ZSCAN29: variants seen among roughly 807,000 people sequenced by gnomAD.
ZSCAN29 encodes the protein zinc finger and SCAN domain containing 29, also known as zinc finger and SCAN domain-containing protein 29.
In ZSCAN29, 55 loss-of-function variants were observed where a neutral mutation model predicts 71.9. The ratio of observed to expected loss-of-function variants is 0.76; its 90% CI spans 0.62 to 0.96. The LOEUF (loss-of-function observed/expected upper bound fraction) is 0.96, where lower values mean the gene tolerates loss of function less well. ZSCAN29 is among the 40% of genes least tolerant of loss of function. The probability of loss-of-function intolerance (pLI) is 0.00; values close to 1 mark genes in which losing one functional copy is unlikely to be tolerated. For synonymous variants in ZSCAN29, 351 were observed against 371.6 expected (o/e 0.94, Z 0.64); for missense variants, 1,042 against 1,042.2 (o/e 1.00, Z 0.00).
At position 43,366,434 on chromosome 15, in the gene ZSCAN29, T is replaced by G. The variant is rs746876609; in HGVS notation, c.898A>C (p.Thr300Pro). Residue 300 changes from threonine (T) to proline (P), a missense_variant, in exon 4 of 6, where the codon ACC becomes CCC. Thr to Pro is a conservative substitution (Grantham distance 38). Transcript: ENST00000684362. ...CTCTTCTGGAGACCTTTGAACTTGG[T>G]CCGACACTGTTCCAGGGTCCGGAGG... Reference protein sequence around the residue: ...GFLRTLEQCRTKFKGLQKSYR... With the variant: ...GFLRTLEQCRPKFKGLQKSYR... 8.7e-6 allele frequency: 14 copies of G among 1,614,072 alleles called. No individual in the cohort carries two copies. Among genetic ancestry groups the G allele is most frequent in the Non-Finnish European group, 1.2e-5 (14 of 1,180,044 alleles).
chr15:43,364,192 G>C lies in ZSCAN29; in HGVS notation c.1413C>G (p.Ser471Arg). The change falls in exon 5 of 6, where the codon AGC becomes AGG. Residue 471 changes from serine (S) to arginine (R), a missense_variant. Transcript: ENST00000684362. ...CCTGGCCATTCTTAACTTTCCGATA[G>C]CTGGTTTGCAGGCTTTTAAACTTGG... ...CRTKFKSLQT[S>R]YRKVKNGQAP... The C allele has an allele frequency of 6.2e-7, 1 of 1,614,230 alleles. No homozygotes were observed. The highest frequency in any genetic ancestry group is 8.5e-7 in the Non-Finnish European group (1 of 1,180,042).
At chr15:43,368,874 T>C (rs1171724724) in intron 3 of ZSCAN29, 49 bp downstream of exon 3, 3 of 1,512,108 alleles carry the variant, frequency 2.0e-6, no homozygotes, top group Non-Finnish European at 2.7e-6. Flanking sequence ...CAACCCTACT[T>C]CCCAACTTGG....
At position 43,364,150 on chromosome 15, in the gene ZSCAN29, G is replaced by C; in HGVS notation, c.1455C>G (p.Pro485=). 1 of 1,614,196 alleles carries C rather than the reference G, an allele frequency of 6.2e-7. No homozygotes were observed. The highest frequency in any genetic ancestry group is 8.5e-7 in the Non-Finnish European group (1 of 1,180,036). ...CCAAAGCATCCATCTCTTCAAAGAAGGGACAGGTCTCTGGTGCCTGGCCAT... is the reference window on the plus strand; with the variant it reads ...CCAAAGCATCCATCTCTTCAAAGAACGGACAGGTCTCTGGTGCCTGGCCAT... ...VKNGQAPETC[P]FFEEMDALVS... Residue 485 remains proline (P), a synonymous_variant, in exon 5 of 6, where the codon CCC becomes CCG. Transcript: ENST00000684362.
intron 5 of ZSCAN29, among the ~76,000 whole-genome samples, chr15:43,362,470 G>A (rs1292239069): frequency 6.6e-6 from 1 of 152,148 alleles, no homozygotes; most frequent in African/African-American, 2.4e-5. Context: ...AGAAAAATAT[G>A]TAGTGTCTTT....
chr15:43,366,266 C>T lies in ZSCAN29; in HGVS notation c.1066G>A (p.Asp356Asn), dbSNP rs781407532. ...TGCCCTGGCTCTTCAGTCTCAGCAT[C>T]GCTGCCTACCAGGCCAGAGTGAGAG... ...AASHSGLVGS[D>N]AETEEPGQRG... The change falls in exon 4 of 6, where the codon GAT becomes AAT. Residue 356 changes from aspartate (D) to asparagine (N), a missense_variant. By Grantham distance (23) the Asp-to-Asn change is conservative. Transcript: ENST00000684362. 7 of 1,613,446 alleles carry T rather than the reference C, an allele frequency of 4.3e-6. No individual in the cohort carries two copies. Among genetic ancestry groups the T allele is most frequent in the Admixed American group, 1.7e-5 (1 of 60,024 alleles).
In ZSCAN29 at chr15:43,366,306, G is replaced by T. The variant is rs768359594; in HGVS notation, c.1026C>A (p.Gly342=). The change falls in exon 4 of 6, where the codon GGC becomes GGA. Residue 342 remains glycine, a synonymous_variant. Coordinates refer to ENST00000684362, the MANE Select transcript of ZSCAN29 (RefSeq NM_001372080.1). Reference sequence around the variant, plus strand: ...CAGAGTGAGAGGCTGCTGCTTCCAGGCCATTACTGGGCAGGGCAATGACCT... The same window carrying T: ...CAGAGTGAGAGGCTGCTGCTTCCAGTCCATTACTGGGCAGGGCAATGACCT... ...SAQVIALPSN[G]LEAAASHSGL... The T allele has an allele frequency of 1.7e-5, 28 of 1,612,794 alleles. No homozygotes were observed. In the South Asian group the frequency reaches 2.9e-4, roughly 16 times the overall value.
At position 43,361,541 on chromosome 15, in the gene ZSCAN29, C is replaced by G; in HGVS notation, c.2091G>C (p.Arg697=). 1 of 1,614,054 alleles carries G rather than the reference C, an allele frequency of 6.2e-7. No homozygotes were observed. Among genetic ancestry groups the G allele is most frequent in the South Asian group, 1.1e-5 (1 of 91,072 alleles). Residue 697 remains arginine, a synonymous_variant, in exon 6 of 6, where the codon CGG becomes CGC. Coordinates refer to ENST00000684362, the MANE Select transcript of ZSCAN29 (RefSeq NM_001372080.1). The part of the protein sequence containing the change: ...FSRSARLIRH[R]RIHTGEKPYK... ...AAGGTTTCTCTCCAGTGTGGATTCTCCGGTGTCTAATGAGTCGTGCACTCC... is the reference window on the plus strand; with the variant it reads ...AAGGTTTCTCTCCAGTGTGGATTCTGCGGTGTCTAATGAGTCGTGCACTCC...
chr15:43,365,479 C>T (rs2044026595), intron 4 of ZSCAN29, among the ~76,000 whole-genome samples: 1 of 152,198 alleles, frequency 6.6e-6, no homozygotes, highest in Admixed American at 6.5e-5. Flanking sequence ...AGATGTTTCC[C>T]AGCTCAGTGT....
Position 43,369,138 on chromosome 15 carries a change from C to A in ZSCAN29, c.319-11G>T. ...CACAGAGACTGTGACCTAGAAACAA[C>A]CCCCGTTAATTGTCACTGCAAGATC... On this transcript the variant is annotated splice_polypyrimidine_tract_variant and intron_variant, in intron 2 of 5. Transcript: ENST00000684362. 6.5e-7 allele frequency: 1 copy of A among 1,540,556 alleles called. No homozygotes were observed. Among genetic ancestry groups the A allele is most frequent in the South Asian group, 1.3e-5 (1 of 79,594 alleles).
Position 43,366,455 on chromosome 15 carries a change from G to A in ZSCAN29, c.877C>T (p.Arg293Trp), listed in dbSNP as rs767799510. The change falls in exon 4 of 6, where the codon CGG (arginine) becomes TGG (tryptophan). Residue 293 changes from arginine (R) to tryptophan (W), a missense_variant. Transcript: ENST00000684362. ...TTGGTCCGACACTGTTCCAGGGTCC[G>A]GAGGAAGCCATATTCCCTGAGCCGC... Reference protein sequence around the residue: ...AERLREYGFLRTLEQCRTKFK... With the variant: ...AERLREYGFLWTLEQCRTKFK... 50 of 1,614,086 alleles carry A rather than the reference G, an allele frequency of 3.1e-5. No individual in the cohort carries two copies. The highest frequency in any genetic ancestry group is 4.0e-5 in the African/African-American group (3 of 74,926).
chr15:43,361,693 C>G lies in ZSCAN29; in HGVS notation c.1939G>C (p.Gly647Arg), dbSNP rs766976345. The G allele has an allele frequency of 6.2e-7, 1 of 1,614,150 alleles. No individual in the cohort carries two copies. The highest frequency in any genetic ancestry group is 8.5e-7 in the Non-Finnish European group (1 of 1,180,030). Residue 647 changes from glycine to arginine, a missense_variant, in exon 6 of 6, where the codon GGA becomes CGA. Coordinates refer to ENST00000684362, the MANE Select transcript of ZSCAN29 (RefSeq NM_001372080.1). ...EVLSQQRPCLGERPYKYLKYS... is the reference protein window; with the variant it reads ...EVLSQQRPCLRERPYKYLKYS... ...TTGAGATATTTATAGGGTCTCTCTC[C>G]CAAGCAAGGTCTCTGTTGACTTAGG...
At position 43,369,765 on chromosome 15, in the gene ZSCAN29, T is replaced by C. The variant is rs199823856; in HGVS notation, c.149A>G (p.Glu50Gly). ...TACAATCTGCTCCTTGGTGCGCACC[T>C]CCGGCCTTAGCCACCGACAGCAAAG... is the stretch of plus-strand genomic sequence containing the variant. ...WELCCRWLRPEVRTKEQIVEL... is the reference protein window; with the variant it reads ...WELCCRWLRPGVRTKEQIVEL... The change falls in exon 2 of 6, where the codon GAG becomes GGG. Residue 50 changes from glutamate (E) to glycine (G), a missense_variant. Transcript: ENST00000684362. The C allele has an allele frequency of 5.0e-5, 80 of 1,614,136 alleles. 1 individual carries two copies. In the Middle Eastern group the frequency reaches 6.6e-4, roughly 13 times the overall value.
Position 43,369,069 on chromosome 15 carries a change from G to T in ZSCAN29, c.377C>A (p.Ser126Ter). 6.2e-7 allele frequency: 1 copy of T among 1,605,324 alleles called. No individual in the cohort carries two copies. The highest frequency in any genetic ancestry group is 8.5e-7 in the Non-Finnish European group (1 of 1,174,168). Residue 126 changes from serine to a stop codon, truncating the protein, a stop_gained, in exon 3 of 6, where the codon TCA becomes TAA. Coordinates refer to ENST00000684362, the MANE Select transcript of ZSCAN29 (RefSeq NM_001372080.1). LOFTEE classifies it high-confidence loss of function. ...CCGAACACTTAATAACTCTTGTGAT[G>T]ATTTCGGGGGTGTCATCTTCTCCAA... ...VRLEKMTPPK[S>*]SQELLSVRQE...
intron 2 of ZSCAN29, 81 bp downstream of exon 2, chr15:43,369,515 C>T (rs1595469797): frequency 2.1e-6 from 3 of 1,449,734 alleles, no homozygotes; most frequent in Non-Finnish European, 2.8e-6. Context: ...GACTGTGTCC[C>T]TCTTTAAGCC....
rs145699954 is a variant in ZSCAN29 at position 43,364,065 on chromosome 15, C to T, written c.1540G>A (p.Val514Ile). 18 of 1,614,004 alleles carry T rather than the reference C, an allele frequency of 1.1e-5. No individual in the cohort carries two copies. The African/African-American group carries it at 1.3e-4, about 12-fold the overall frequency. The change falls in exon 5 of 6, where the codon GTC becomes ATC. Residue 514 changes from valine (V) to isoleucine (I), a missense_variant. By Grantham distance (29) the Val-to-Ile change is conservative. Coordinates refer to ENST00000684362, the MANE Select transcript of ZSCAN29 (RefSeq NM_001372080.1). Reference protein sequence around the residue: ...DGQEETASCPVQGTSEAEAQK... With the variant: ...DGQEETASCPIQGTSEAEAQK... The stretch of plus-strand genomic sequence containing the variant: ...GCTTCAGCCTCACTGGTCCCCTGGA[C>T]GGGGCAAGAAGCAGTCTCTTCCTGG...
chr15:43,364,363 T>C lies in ZSCAN29; in HGVS notation c.1242A>G (p.Glu414=). 6.2e-7 allele frequency: 1 copy of C among 1,613,986 alleles called. No homozygotes were observed. Among genetic ancestry groups the C allele is most frequent in the South Asian group, 1.1e-5 (1 of 91,082 alleles). ...GAATTGCAAGGTAAGTCTTGGTCTC[T>C]TCATAGCCCCAGTGTACACCTGCCA... ...RSPGGVHWGY[E]ETKTYLAILS... Residue 414 remains glutamate, a synonymous_variant, in exon 5 of 6, where the codon GAA becomes GAG. Transcript: ENST00000684362.
intron 3 of ZSCAN29, among the ~76,000 whole-genome samples, chr15:43,368,571 T>C (rs1384741245): frequency 2.1e-5 from 3 of 143,124 alleles, no homozygotes; most frequent in Non-Finnish European, 4.7e-5. Context: ...ATGGATCTTC[T>C]GGGGGAAAGC....
rs1462489236 is a variant in ZSCAN29, at chr15:43,359,897, C to T, written c.*1176G>A. 6.6e-6 allele frequency: 1 copy of T among 152,202 alleles called. No individual in the cohort carries two copies. Among genetic ancestry groups the T allele is most frequent in the African/African-American group, 2.4e-5 (1 of 41,452 alleles). 9.4% of individuals were successfully genotyped at this position (152,202 alleles called of 1,614,324 possible). ...TTTCATTGTTTCTGCATAAGAACAC[C>T]TGTTCTTGACAAGATGATTCATAGG... On this transcript the variant is annotated 3_prime_UTR_variant, in exon 6 of 6. Transcript: ENST00000684362.
Position 43,359,664 on chromosome 15 carries a change from A to G in ZSCAN29, c.*1409T>C, listed in dbSNP as rs1034864254. On this transcript the variant is annotated 3_prime_UTR_variant, in exon 6 of 6. Transcript: ENST00000684362. The stretch of plus-strand genomic sequence containing the variant: ...GTGTGTGGAATATGGACGAGTTCCT[A>G]TTGGCAGCTTTAACTGCTCTACCTG... 9.9e-5 allele frequency: 15 copies of G among 152,222 alleles called. No homozygotes were observed. The highest frequency in any genetic ancestry group is 1.6e-4 in the Non-Finnish European group (11 of 68,040). 9.4% of individuals were successfully genotyped at this position (152,222 alleles called of 1,614,324 possible).
Sources: allele counts gnomAD v4.1 joint callset (sites outside exome capture counted in the v4.1 genomes callset), GRCh38; gene constraint gnomAD v4.1.1; transcripts MANE v1.5; gene names NCBI Gene and HGNC (gene_info 2026-07-23, HGNC 2026-07-21).